Variants in FBXL7 observed in about 807,000 individuals in gnomAD.
FBXL7 encodes F-box and leucine rich repeat protein 7.
A neutral mutation model predicts 38.3 loss-of-function variants in FBXL7; 12 were observed. The ratio of observed to expected loss-of-function variants is 0.31; its 90% CI spans 0.20 to 0.51. The LOEUF (loss-of-function observed/expected upper bound fraction) is 0.51, where lower values mean the gene tolerates loss of function less well. Among genes scored for constraint, FBXL7 ranks in the 20% least tolerant of loss-of-function variants. The probability of loss-of-function intolerance (pLI) is 0.98; values close to 1 mark genes in which losing one functional copy is unlikely to be tolerated. For missense variants in FBXL7, 567 were observed against 676.4 expected (o/e 0.84, Z 1.79); for synonymous variants, 297 against 300.9 (o/e 0.99, Z 0.13).
chr5:15,716,583 TCTC>T (rs1386949943), intron 2 of FBXL7, among the ~76,000 whole-genome samples: 1 of 152,116 alleles, frequency 6.6e-6, no homozygotes, highest in Admixed American at 6.6e-5. Flanking sequence ...CTCTGCAACT[TCTC>T]CTAACATCTT....
chr5:15,701,886 A>G (rs1743535221), intron 2 of FBXL7, among the ~76,000 whole-genome samples: 2 of 152,226 alleles, frequency 1.3e-5, no homozygotes, highest in Non-Finnish European at 2.9e-5. Flanking sequence ...TGTAAAGTAC[A>G]TGATTCTTGC....
At chr5:15,781,465 GTGTGT>G (rs1199565428) in intron 2 of FBXL7, among the ~76,000 whole-genome samples, 2 of 151,836 alleles carry the variant, frequency 1.3e-5, no homozygotes, top group East Asian at 3.9e-4. Context: ...GCGTGTGTGT[GTGTGT>G]TGAGTGTGTA....
chr5:15,666,200 G>T (rs994981592), intron 2 of FBXL7, among the ~76,000 whole-genome samples: 2 of 151,910 alleles, frequency 1.3e-5, no homozygotes, highest in South Asian at 2.1e-4. Context: ...TATTATTTTT[G>T]GTTGTAATTC....
chr5:15,735,327 C>T (rs2126668522), intron 2 of FBXL7, among the ~76,000 whole-genome samples: 1 of 152,232 alleles, frequency 6.6e-6, no homozygotes, highest in South Asian at 2.1e-4. Context: ...AGTGGAGAGA[C>T]CATTTCAGAG....
At chr5:15,726,901 A>G (rs1264391413) in intron 2 of FBXL7, among the ~76,000 whole-genome samples, 1 of 147,548 alleles carries the variant, frequency 6.8e-6, no homozygotes, top group Admixed American at 6.7e-5. Context: ...TTTTTTTTGT[A>G]CTCCATTTAT....
chr5:15,711,827 A>G (rs1485143703), intron 2 of FBXL7, among the ~76,000 whole-genome samples: 1 of 152,242 alleles, frequency 6.6e-6, no homozygotes, highest in Non-Finnish European at 1.5e-5. Context: ...AGGAGAGTTG[A>G]GAAACATATA....
At chr5:15,577,810 A>G (rs1011011581) in intron 1 of FBXL7, among the ~76,000 whole-genome samples, 1 of 152,146 alleles carries the variant, frequency 6.6e-6, no homozygotes, top group African/African-American at 2.4e-5. Context: ...TTCCTGCTTT[A>G]ATCTGTGGTC....
At chr5:15,774,921 C>T (rs558860853) in intron 2 of FBXL7, among the ~76,000 whole-genome samples, 3 of 152,042 alleles carry the variant, frequency 2.0e-5, no homozygotes, top group East Asian at 3.9e-4. Flanking sequence ...TTAGAAATTC[C>T]AAAGTAGGTG....
chr5:15,568,902 A>G (rs201276313), intron 1 of FBXL7, among the ~76,000 whole-genome samples: 80,383 of 151,804 alleles, frequency 0.53, 21,805 homozygotes, highest in African/African-American at 0.63. Flanking sequence ...ATGGTTGTTG[A>G]TATGTGGCAT....
At chr5:15,547,340 T>G (rs562220732) in intron 1 of FBXL7, among the ~76,000 whole-genome samples, 2 of 152,278 alleles carry the variant, frequency 1.3e-5, no homozygotes, top group Admixed American at 1.3e-4. Context: ...AGCTGGTGTC[T>G]GGGGAGCCAC....
At chr5:15,735,639 A>G (rs919144673) in intron 2 of FBXL7, among the ~76,000 whole-genome samples, 3 of 152,252 alleles carry the variant, frequency 2.0e-5, no homozygotes, top group African/African-American at 4.8e-5. Flanking sequence ...TTTAAAACCC[A>G]CTTCCAGGGA....
chr5:15,850,260 T>A (rs1002642591), intron 2 of FBXL7, among the ~76,000 whole-genome samples: 2 of 152,232 alleles, frequency 1.3e-5, no homozygotes, highest in African/African-American at 4.8e-5. Flanking sequence ...AAGCTTTGCA[T>A]TGATAAGTTC....
chr5:15,840,172 A>G (rs1322364130), intron 2 of FBXL7, among the ~76,000 whole-genome samples: 3 of 152,214 alleles, frequency 2.0e-5, no homozygotes, highest in African/African-American at 7.2e-5. Context: ...AAGTGTCACA[A>G]TGTAAATATC....
At chr5:15,509,679 T>A (rs550532324) in intron 1 of FBXL7, among the ~76,000 whole-genome samples, 7 of 152,280 alleles carry the variant, frequency 4.6e-5, no homozygotes, top group African/African-American at 1.7e-4. Context: ...AGCTAAATAT[T>A]TTGTTTAGAG....
At chr5:15,887,304 G>T (rs372598543) in intron 2 of FBXL7, among the ~76,000 whole-genome samples, 117 of 152,264 alleles carry the variant, frequency 7.7e-4, no homozygotes, top group Admixed American at 2.7e-3. Flanking sequence ...TTCTTGAGGG[G>T]AAGTCATGGC....
chr5:15,730,846 C>T (rs1201690795), intron 2 of FBXL7, among the ~76,000 whole-genome samples: 3 of 152,150 alleles, frequency 2.0e-5, no homozygotes, highest in Non-Finnish European at 2.9e-5. Context: ...ATATTGTTAT[C>T]ATGGATGACC....
intron 1 of FBXL7, among the ~76,000 whole-genome samples, chr5:15,591,655 C>T (rs1160330560): frequency 1.3e-5 from 2 of 152,012 alleles, no homozygotes; most frequent in Non-Finnish European, 2.9e-5. Context: ...TCCCCTCTGC[C>T]CCAGATCTTG....
chr5:15,539,341 T>A (rs975184100), intron 1 of FBXL7, among the ~76,000 whole-genome samples: 2 of 152,202 alleles, frequency 1.3e-5, no homozygotes, highest in East Asian at 3.9e-4. Flanking sequence ...TCCTCACCTA[T>A]ACACAACAGA....
intron 2 of FBXL7, among the ~76,000 whole-genome samples, chr5:15,883,151 G>T (rs1040806863): frequency 6.6e-6 from 1 of 152,046 alleles, no homozygotes. Context: ...AAGCATTTAA[G>T]TTAAGGTAGA....
Sources: gnomAD v4.1 joint callset for allele counts (sites outside exome capture counted in the v4.1 genomes callset) on GRCh38, gnomAD v4.1.1 for gene constraint, MANE v1.5 for transcripts, NCBI Gene and HGNC (gene_info 2026-07-23, HGNC 2026-07-21) for gene names.